The following INO80D variants were observed in gnomAD, a reference collection of about 807,000 sequenced individuals.
The protein encoded by INO80D is INO80 complex subunit D.
A neutral mutation model predicts 87.6 loss-of-function variants in INO80D; 21 were observed. The observed-to-expected ratio is 0.24, with a 90% confidence interval of 0.17 to 0.35. The LOEUF is 0.35. Among genes scored for constraint, INO80D ranks in the 10% least tolerant of loss-of-function variants. The pLI, the probability that INO80D is intolerant of heterozygous loss-of-function variation, is 1.00. For synonymous variants in INO80D, 440 were observed against 491.0 expected (o/e 0.90, Z 1.37); for missense variants, 982 against 1,280.7 (o/e 0.77, Z 3.56).
intron 1 of INO80D, chr2:206,084,714 G>A (rs1191424568): frequency 6.6e-6 from 1 of 152,322 alleles, no homozygotes; most frequent in East Asian, 1.9e-4. Flanking sequence ...TCCAGAAGGG[G>A]GATTTTGGAC....
intron 6 of INO80D, among the ~76,000 whole-genome samples, chr2:206,026,023 T>C (rs1306717177): frequency 6.6e-6 from 1 of 151,990 alleles, no homozygotes; most frequent in East Asian, 2.0e-4. Flanking sequence ...TCAACGTTCC[T>C]AGTAGCTAGG....
At chr2:206,044,242 G>A (rs1689133883) in intron 5 of INO80D, among the ~76,000 whole-genome samples, 2 of 152,048 alleles carry the variant, frequency 1.3e-5, no homozygotes, top group African/African-American at 4.8e-5. Flanking sequence ...ATTCCTCTTA[G>A]AGGGCAGAGT....
intron 8 of INO80D, among the ~76,000 whole-genome samples, chr2:206,010,277 T>C (rs923109724): frequency 1.3e-5 from 2 of 152,074 alleles, no homozygotes; most frequent in Non-Finnish European, 2.9e-5. Flanking sequence ...TTTTTTTTTT[T>C]TCCCTGTAAG....
chr2:206,006,263 T>C (rs151270887), intron 10 of INO80D, among the ~76,000 whole-genome samples: 2 of 152,304 alleles, frequency 1.3e-5, no homozygotes, highest in East Asian at 3.9e-4. Flanking sequence ...ATTCTAAAAG[T>C]ATAAAATATT....
At chr2:206,025,972 A>G (rs1306640827) in intron 6 of INO80D, among the ~76,000 whole-genome samples, 1 of 151,896 alleles carries the variant, frequency 6.6e-6, no homozygotes, top group Non-Finnish European at 1.5e-5. Flanking sequence ...ATCTCTGCTC[A>G]CTGCAACCTC....
chr2:206,072,839 T>TC (rs1232197310), intron 1 of INO80D, among the ~76,000 whole-genome samples: 1 of 145,734 alleles, frequency 6.9e-6, no homozygotes, highest in African/African-American at 2.7e-5. Flanking sequence ...AAATCTAACT[T>TC]TCTTCTCTTT....
In INO80D at chr2:206,004,052, C is replaced by T. The variant is rs146202485; in HGVS notation, c.*316G>A. ...GAATACTAGGAAATAGTAAAGGGCA[C>T]TGGTATTCTGAGGTATCTTCCACTT... On this transcript the variant is annotated 3_prime_UTR_variant, in exon 11 of 11. Transcript: ENST00000403263. The surrounding 1 kb of genome is among the most constrained non-coding windows in gnomAD (Gnocchi z 4.9). The T allele has an allele frequency of 5.2e-6, 2 of 381,102 alleles. No individual in the cohort carries two copies. The highest frequency in any genetic ancestry group is 5.0e-5 in the East Asian group (1 of 19,842). The allele number at this position is 381,102 out of a possible 1,614,324, so 23.6% of individuals were successfully genotyped here.
At chr2:206,050,823 G>A (rs1285533384) in intron 4 of INO80D, among the ~76,000 whole-genome samples, 1 of 151,994 alleles carries the variant, frequency 6.6e-6, no homozygotes, top group Non-Finnish European at 1.5e-5. Flanking sequence ...CAAAAAATTA[G>A]CTGGGCGTGG....
rs1276418475 is a variant in INO80D, at chr2:205,996,123, CTGTT to C, written c.*8241_*8244del. The C allele has an allele frequency of 2.0e-5, 3 of 151,968 alleles. No individual in the cohort carries two copies. Among genetic ancestry groups the C allele is most frequent in the African/African-American group, 7.2e-5 (3 of 41,402 alleles). The allele number at this position is 151,968 out of a possible 1,614,324, so 9.4% of individuals were successfully genotyped here. On this transcript the variant is annotated 3_prime_UTR_variant, in exon 11 of 11. Transcript: ENST00000403263. Reference sequence around the variant, plus strand: ...TTTGTTTTATTTGAAGGTTGGCTTTCTGTTTGTTTTTGAGACAAAGATGAATGCC... The same window carrying C: ...TTTGTTTTATTTGAAGGTTGGCTTTCTGTTTTTGAGACAAAGATGAATGCC...
chr2:206,082,177 C>T (rs910568994), intron 1 of INO80D, among the ~76,000 whole-genome samples: 1 of 152,176 alleles, frequency 6.6e-6, no homozygotes, highest in Non-Finnish European at 1.5e-5. Context: ...TACACCACCA[C>T]GCCTGGCTAA....
chr2:206,034,971 C>T (rs1192881730), intron 5 of INO80D, among the ~76,000 whole-genome samples: 1 of 151,960 alleles, frequency 6.6e-6, no homozygotes, highest in Non-Finnish European at 1.5e-5. Flanking sequence ...AGAACTCAAT[C>T]CCTTTTACAA....
chr2:206,055,788 T>C (rs547720887), intron 4 of INO80D, among the ~76,000 whole-genome samples: 2 of 152,340 alleles, frequency 1.3e-5, no homozygotes, highest in East Asian at 3.9e-4. Flanking sequence ...ACTGAACATA[T>C]ACAGACTTTT....
chr2:206,039,130 C>T (rs1278238368), intron 5 of INO80D, among the ~76,000 whole-genome samples: 1 of 152,126 alleles, frequency 6.6e-6, no homozygotes, highest in Admixed American at 6.6e-5. Context: ...GGGGGCGGTA[C>T]CTCACCCCGG....
At chr2:206,027,633 G>A (rs1436963511) in intron 6 of INO80D, among the ~76,000 whole-genome samples, 2 of 152,126 alleles carry the variant, frequency 1.3e-5, no homozygotes, top group Non-Finnish European at 2.9e-5. Context: ...GAGCCCAGGA[G>A]TTTGAGGCTG....
chr2:206,078,061 C>CA (rs71410859), intron 1 of INO80D, among the ~76,000 whole-genome samples: 7,372 of 62,834 alleles, frequency 0.12, 1,049 homozygotes, highest in Admixed American at 0.23. Context: ...GCAATGTTTA[C>CA]AAAAAAAAAA....
chr2:206,044,780 T>A (rs1689152505), intron 5 of INO80D, among the ~76,000 whole-genome samples: 1 of 152,220 alleles, frequency 6.6e-6, no homozygotes, highest in Non-Finnish European at 1.5e-5. Context: ...CTACCATTTA[T>A]TAATAATTTC....
chr2:206,075,490 G>A (rs1282103872), intron 1 of INO80D, among the ~76,000 whole-genome samples: 1 of 150,810 alleles, frequency 6.6e-6, no homozygotes, highest in Admixed American at 6.6e-5. Context: ...AGGCTGGAGT[G>A]CAGTGGCACG....
At chr2:206,049,429 C>T (rs1413646856) in intron 4 of INO80D, among the ~76,000 whole-genome samples, 4 of 152,168 alleles carry the variant, frequency 2.6e-5, no homozygotes, top group African/African-American at 9.7e-5. Flanking sequence ...ACATTTAAGG[C>T]ACCACTGAAA....
chr2:206,062,788 T>A lies in INO80D; in HGVS notation c.218+11A>T. 1 of 1,592,224 alleles carries A rather than the reference T, an allele frequency of 6.3e-7. No homozygotes were observed. Among genetic ancestry groups the A allele is most frequent in the South Asian group, 1.1e-5 (1 of 87,642 alleles). ...TGAAATCAAGGATTGATTCTCATGA[T>A]TAGCCCTTACCTACGATCCTCTGAT... On this transcript the variant is annotated intron_variant, in intron 3 of 10. Transcript: ENST00000403263. The surrounding 1 kb of genome is among the most constrained non-coding windows in gnomAD (Gnocchi z 4.6).
Sources: allele counts gnomAD v4.1 joint callset (sites outside exome capture counted in the v4.1 genomes callset), GRCh38; gene constraint gnomAD v4.1.1; non-coding constraint Gnocchi (gnomAD v3.1); transcripts MANE v1.5; gene names NCBI Gene and HGNC (gene_info 2026-07-23, HGNC 2026-07-21).